GLT1D1: variants seen among roughly 807,000 people sequenced by gnomAD.
GLT1D1 encodes the protein glycosyltransferase 1 domain-containing protein 1.
A neutral mutation model predicts 28.7 loss-of-function variants in GLT1D1; 21 were observed. That is an observed-to-expected ratio of 0.73 (90% CI 0.52 to 1.05). The LOEUF (loss-of-function observed/expected upper bound fraction) is 1.05, where lower values mean the gene tolerates loss of function less well. GLT1D1 is among the 50% of genes least tolerant of loss of function. The pLI is 0.00. For synonymous variants in GLT1D1, 147 were observed against 124.8 expected (o/e 1.18, Z -1.19); for missense variants, 343 against 330.6 (o/e 1.04, Z -0.29).
chr12:128,900,866 C>G (rs948435529), intron 4 of GLT1D1, among the ~76,000 whole-genome samples: 5 of 152,096 alleles, frequency 3.3e-5, no homozygotes, highest in African/African-American at 9.7e-5. Context: ...AAATGCCTGA[C>G]CTCAAGTGAT....
intron 1 of GLT1D1, among the ~76,000 whole-genome samples, 172 bp downstream of exon 1, chr12:128,853,821 C>G (rs967133583): frequency 6.6e-6 from 1 of 151,960 alleles, no homozygotes; most frequent in African/African-American, 2.4e-5. Context: ...GCGCGGGGGT[C>G]GGTGCCTTCT....
In GLT1D1 at chr12:128,865,401, G is replaced by A. The variant is rs569611046; in HGVS notation, c.69-10513G>A. Among the ~76,000 whole-genome samples, 398 of 152,188 alleles carry A rather than the reference G, an allele frequency of 2.6e-3. 1 individual carries two copies. The highest frequency in any genetic ancestry group is 9.2e-3 in the African/African-American group (383 of 41,514). On this transcript the variant is annotated intron_variant, in intron 1 of 7. Transcript: ENST00000281703. ...ATGTTTTGGACTATGAATACATTGT[G>A]GAATGATTATATCACGGTAATGAAC...
chr12:128,881,223 C>CAAA (rs35871795), intron 2 of GLT1D1, among the ~76,000 whole-genome samples: 3 of 73,584 alleles, frequency 4.1e-5, no homozygotes, highest in Non-Finnish European at 5.6e-5. Context: ...GACTCCGTTT[C>CAAA]AAAAAAAAAA....
At chr12:128,918,757 T>G (rs1028323071) in intron 4 of GLT1D1, among the ~76,000 whole-genome samples, 3 of 152,222 alleles carry the variant, frequency 2.0e-5, no homozygotes, top group African/African-American at 7.2e-5. Context: ...CTGTCTTCAA[T>G]CTATCACAGG....
At chr12:128,870,092 G>A (rs777004475) in intron 1 of GLT1D1, among the ~76,000 whole-genome samples, 2 of 151,898 alleles carry the variant, frequency 1.3e-5, no homozygotes, top group Admixed American at 6.6e-5. Flanking sequence ...TGTATTTTTA[G>A]TAGAGACGGG....
rs563400488 is a variant in GLT1D1, at chr12:128,882,644, C to T, written c.218-5995C>T. Among the ~76,000 whole-genome samples the T allele has an allele frequency of 1.8e-4, 27 of 152,188 alleles. 1 individual carries two copies. Among genetic ancestry groups the T allele is most frequent in the Admixed American group, 8.5e-4 (13 of 15,280 alleles). ...AGGTATGGACCAATTATTATATGAA[C>T]GTCAAAGTAACACATTATATTTGTT... is the stretch of plus-strand genomic sequence containing the variant. On this transcript the variant is annotated intron_variant, in intron 2 of 7. Transcript: ENST00000281703.
intron 7 of GLT1D1, among the ~76,000 whole-genome samples, chr12:128,971,913 T>C (rs1199896607): frequency 1.4e-5 from 2 of 140,298 alleles, no homozygotes; most frequent in Non-Finnish European, 3.0e-5. Context: ...GACCTCATCG[T>C]TCCGCATTAG....
chr12:128,970,480 G>T (rs546356448), intron 7 of GLT1D1, among the ~76,000 whole-genome samples: 2 of 152,012 alleles, frequency 1.3e-5, no homozygotes, highest in Admixed American at 6.5e-5. Context: ...CTCCCTCCCC[G>T]CAGCCACAGG....
rs774975656 is a variant in GLT1D1 at position 128,983,015 on chromosome 12, G to A, written c.726G>A (p.Met242Ile). 8.1e-6 allele frequency: 13 copies of A among 1,614,046 alleles called. No homozygotes were observed. Among genetic ancestry groups the A allele is most frequent in the Non-Finnish European group, 1.0e-5 (12 of 1,179,886 alleles). Reference sequence around the variant, plus strand: ...TGAACGGAAGGGAATACGTGAGAATGTATCATTCATGGCAGGTGGAAAGAG... The same window carrying A: ...TGAACGGAAGGGAATACGTGAGAATATATCATTCATGGCAGGTGGAAAGAG... Residue 242 changes from methionine (M) to isoleucine (I), a missense_variant, in exon 8 of 8, where the codon ATG (methionine) becomes ATA (isoleucine). By Grantham distance (10) the Met-to-Ile change is conservative (BLOSUM62 1). Transcript: ENST00000281703. This position sits in a 1 kb window ranked among gnomAD's most constrained non-coding sequence, Gnocchi z 4.7.
intron 4 of GLT1D1, among the ~76,000 whole-genome samples, chr12:128,908,544 T>G (rs182598326): frequency 6.6e-6 from 1 of 151,740 alleles, no homozygotes; most frequent in Non-Finnish European, 1.5e-5. Flanking sequence ...TCTTCTTCTT[T>G]TTTTTTTAAT....
chr12:128,860,661 T>G (rs1956336580), intron 1 of GLT1D1, among the ~76,000 whole-genome samples: 1 of 152,078 alleles, frequency 6.6e-6, no homozygotes, highest in Non-Finnish European at 1.5e-5. Flanking sequence ...TATGGTCCAG[T>G]GTGGACTCGA....
chr12:128,970,513 A>G (rs1878933473), intron 7 of GLT1D1, among the ~76,000 whole-genome samples: 1 of 152,152 alleles, frequency 6.6e-6, no homozygotes, highest in Non-Finnish European at 1.5e-5. Context: ...GTCCGCTTCT[A>G]TCCACTGCAG....
chr12:128,917,556 G>A (rs768367371), intron 4 of GLT1D1, among the ~76,000 whole-genome samples: 5 of 152,134 alleles, frequency 3.3e-5, no homozygotes. Flanking sequence ...GGGATTACAG[G>A]CATGAGCCAC....
At chr12:128,935,038 C>T (rs1007751098) in intron 4 of GLT1D1, among the ~76,000 whole-genome samples, 1 of 152,098 alleles carries the variant, frequency 6.6e-6, no homozygotes, top group Non-Finnish European at 1.5e-5. Flanking sequence ...GAATTGTCCC[C>T]GCCTGGGTCA....
rs1880557105 is a variant in GLT1D1, at chr12:128,983,873, T to C, written c.*783T>C. 6.6e-6 allele frequency: 1 copy of C among 152,230 alleles called. No individual in the cohort carries two copies. Among genetic ancestry groups the C allele is most frequent in the African/African-American group, 2.4e-5 (1 of 41,454 alleles). 9.4% of individuals were successfully genotyped at this position (152,230 alleles called of 1,614,324 possible). A position where few individuals can be genotyped will look rare whatever the true frequency, so the allele number is the denominator to read the frequency against. ...CCCACATCAGGGACCCGGGGATGGA[T>C]GTCGGAAGGGTCACCAGCCTCCAGC... On this transcript the variant is annotated 3_prime_UTR_variant, in exon 8 of 8. Transcript: ENST00000281703. The surrounding 1 kb of genome is among the most constrained non-coding windows in gnomAD (Gnocchi z 4.7).
At chr12:128,976,886 C>T (rs1029171459) in intron 7 of GLT1D1, among the ~76,000 whole-genome samples, 6 of 152,180 alleles carry the variant, frequency 3.9e-5, no homozygotes, top group African/African-American at 1.4e-4. Context: ...TGGCTCACAC[C>T]TGTAATCCCA....
At position 128,973,919 on chromosome 12, in the gene GLT1D1, G is replaced by GT. The variant is rs71449381; in HGVS notation, c.640-9010_640-9009insT. ...GTGTGTGTAGGGGGTGTGTGTAGGG[G>GT]GTGTGTGTGTGTGTGTAGGGTGTGT... is the stretch of plus-strand genomic sequence containing the variant. On this transcript the variant is annotated intron_variant, in intron 7 of 7. Transcript: ENST00000281703. 1.1e-4 allele frequency among the ~76,000 whole-genome samples: 11 copies of GT among 101,008 alleles called. No individual in the cohort carries two copies. The East Asian group carries it at 1.3e-3, about 12-fold the overall frequency. The allele number at this position is 101,008 out of a possible 152,430, so 66.3% of individuals were successfully genotyped here. A position where few individuals can be genotyped will look rare whatever the true frequency, so the allele number is the denominator to read the frequency against.
chr12:128,864,153 T>C (rs1469262511), intron 1 of GLT1D1: 2 of 686,854 alleles, frequency 2.9e-6, no homozygotes, highest in South Asian at 3.1e-5. Context: ...ACATGCTGAC[T>C]GCGAGGTGCC....
intron 2 of GLT1D1, among the ~76,000 whole-genome samples, chr12:128,885,196 T>A (rs145456392): frequency 8.5e-5 from 13 of 152,190 alleles, no homozygotes; most frequent in African/African-American, 2.9e-4. Flanking sequence ...CTTCCAGAAT[T>A]TTTCAATTGT....
Sources: gnomAD v4.1 joint callset for allele counts (sites outside exome capture counted in the v4.1 genomes callset) on GRCh38, gnomAD v4.1.1 for gene constraint, Gnocchi (gnomAD v3.1) non-coding constraint, MANE v1.5 for transcripts, NCBI Gene and HGNC (gene_info 2026-07-23, HGNC 2026-07-21) for gene names.